The following NAA11 variants were observed in gnomAD, a reference collection of about 807,000 sequenced individuals.
NAA11 encodes N-alpha-acetyltransferase 11.
Under a neutral mutation model 16.1 loss-of-function variants are expected in NAA11, and 15 were observed. The observed-to-expected ratio is 0.93, with a 90% CI of 0.62 to 1.44. The LOEUF is 1.44. Ranked by LOEUF, NAA11 falls within the 40% of genes most tolerant of loss-of-function variation. NAA11 has a pLI of 0.00. For missense variants in NAA11, 298 were observed against 291.3 expected, an observed-to-expected ratio of 1.02 and a Z score of -0.17; for synonymous variants, 122 against 112.4, an observed-to-expected ratio of 1.09 and a Z score of -0.54.
chr4:79,181,851 G>A, the NAA11 span, among the ~76,000 whole-genome samples: 4 of 152,076 alleles, frequency 2.6e-5, no homozygotes, highest in Admixed American at 6.5e-5. Flanking sequence ...TATTGGATTC[G>A]TTTTTTTAAA....
At chr4:79,161,938 C>T in the NAA11 span, among the ~76,000 whole-genome samples, 1 of 152,208 alleles carries the variant, frequency 6.6e-6, no homozygotes, top group Non-Finnish European at 1.5e-5. Context: ...ACCTCGGCGT[C>T]CCAAAGTGCT....
At chr4:79,246,353 C>A (rs1721824548) in intron 2 of NAA11, among the ~76,000 whole-genome samples, 1 of 125,844 alleles carries the variant, frequency 7.9e-6, no homozygotes, top group Admixed American at 8.4e-5. Flanking sequence ...CTCCGAGAAA[C>A]ACCCAAGAAT....
intron 1 of NAA11, among the ~76,000 whole-genome samples, chr4:79,322,485 A>G (rs1352019140): frequency 9.5e-6 from 1 of 104,994 alleles, no homozygotes; most frequent in East Asian, 5.1e-4. Context: ...TCAGTTTTAT[A>G]GGTGTGTGTG....
At chr4:79,267,403 T>G (rs1157854390) in intron 2 of NAA11, among the ~76,000 whole-genome samples, 1 of 152,176 alleles carries the variant, frequency 6.6e-6, no homozygotes, top group Non-Finnish European at 1.5e-5. Context: ...GTGGAAAGCC[T>G]TGAATATTTA....
chr4:79,198,399 A>C, the NAA11 span, among the ~76,000 whole-genome samples: 368 of 152,118 alleles, frequency 2.4e-3, 3 homozygotes, highest in African/African-American at 8.4e-3. Flanking sequence ...AAGTGGTCTT[A>C]ATTAAGCATG....
intron 2 of NAA11, among the ~76,000 whole-genome samples, chr4:79,268,373 G>C (rs1000789779): frequency 6.6e-6 from 1 of 152,108 alleles, no homozygotes; most frequent in Non-Finnish European, 1.5e-5. Flanking sequence ...ATGAATGAAA[G>C]ATTGAGGGTA....
At chr4:79,193,757 G>A in the NAA11 span, among the ~76,000 whole-genome samples, 3 of 152,104 alleles carry the variant, frequency 2.0e-5, no homozygotes, top group African/African-American at 7.2e-5. Context: ...TTCCAATTCT[G>A]TGAAGAAAGT....
In NAA11 at chr4:79,319,163, T is replaced by C. The variant is rs546456740; in HGVS notation, c.*13-1372A>G. On this transcript the variant is annotated intron_variant, in intron 1 of 1. Coordinates refer to ENST00000286794, the MANE Select transcript of NAA11 (RefSeq NM_032693.3). ...GGCTGGTCTTGAACTCCTGGCCTCA[T>C]GCAAAGCTCCCGCCTTGGCCTCCTA... 4.0e-3 allele frequency among the ~76,000 whole-genome samples: 615 copies of C among 152,262 alleles called. 2 individuals carry two copies. Among genetic ancestry groups the C allele is most frequent in the Non-Finnish European group, 4.9e-3 (330 of 68,002 alleles).
At chr4:79,163,395 G>A in the NAA11 span, among the ~76,000 whole-genome samples, 11 of 152,158 alleles carry the variant, frequency 7.2e-5, no homozygotes, top group Admixed American at 7.2e-4. Context: ...TCTTCCATGA[G>A]AACTGTGGGG....
chr4:79,158,709 A>ATG, the NAA11 span, among the ~76,000 whole-genome samples: 1 of 146,528 alleles, frequency 6.8e-6, no homozygotes, highest in Non-Finnish European at 1.5e-5. Flanking sequence ...ATATATATAT[A>ATG]TATATATATA....
At chr4:79,268,505 T>C (rs574428157) in intron 2 of NAA11, among the ~76,000 whole-genome samples, 3 of 152,172 alleles carry the variant, frequency 2.0e-5, no homozygotes, top group African/African-American at 7.2e-5. Context: ...ATTGGGCAGT[T>C]TGTGAGTAAA....
the NAA11 span, among the ~76,000 whole-genome samples, chr4:79,160,634 G>A: frequency 1.3e-5 from 2 of 152,016 alleles, no homozygotes; most frequent in African/African-American, 4.8e-5. Flanking sequence ...TTTTTATGTG[G>A]CTATTAGCTG....
chr4:79,312,761 A>T (rs1385313854), downstream of NAA11, among the ~76,000 whole-genome samples: 1 of 151,360 alleles, frequency 6.6e-6, no homozygotes, highest in African/African-American at 2.4e-5. Flanking sequence ...ATTAGCTGGG[A>T]TTACAGGTAT....
the NAA11 span, chr4:79,211,767 C>G: frequency 6.6e-6 from 1 of 152,314 alleles, no homozygotes; most frequent in South Asian, 2.1e-4. Flanking sequence ...GATGCAATGC[C>G]TGAATGGCTC....
chr4:79,254,931 CAACT>C (rs1722074903), intron 2 of NAA11, among the ~76,000 whole-genome samples: 1 of 151,802 alleles, frequency 6.6e-6, no homozygotes, highest in South Asian at 2.1e-4. Context: ...GAAACTGAGG[CAACT>C]AACAGTGGCA....
chr4:79,254,650 T>C (rs1047137916), intron 2 of NAA11, among the ~76,000 whole-genome samples: 6 of 150,590 alleles, frequency 4.0e-5, no homozygotes, highest in African/African-American at 1.2e-4. Flanking sequence ...CTTTTCTTTT[T>C]TTTTTTTTTA....
chr4:79,167,919 C>T, the NAA11 span, among the ~76,000 whole-genome samples: 25 of 152,056 alleles, frequency 1.6e-4, no homozygotes, highest in East Asian at 3.9e-3. Flanking sequence ...ATGTGCAGAA[C>T]GTGCAGGTTT....
intron 2 of NAA11, chr4:79,259,149 A>G (rs1445128452): frequency 1.3e-5 from 2 of 152,918 alleles, no homozygotes; most frequent in Non-Finnish European, 2.9e-5. Flanking sequence ...TATGCAGGAC[A>G]AGAACTCAGG....
chr4:79,261,581 T>C (rs1009514054), intron 2 of NAA11, among the ~76,000 whole-genome samples: 1 of 152,162 alleles, frequency 6.6e-6, no homozygotes, highest in Non-Finnish European at 1.5e-5. Flanking sequence ...CCTATGTACA[T>C]GGATCAACTG....
Sources: gnomAD v4.1 joint callset for allele counts (sites outside exome capture counted in the v4.1 genomes callset) on GRCh38, gnomAD v4.1.1 for gene constraint, MANE v1.5 for transcripts, NCBI Gene and HGNC (gene_info 2026-07-23, HGNC 2026-07-21) for gene names.